Variants in CEP112 observed in about 807,000 individuals in gnomAD.
CEP112 encodes the protein centrosomal protein of 112 kDa.
In CEP112, 127 loss-of-function variants were observed where a neutral mutation model predicts 153.0. That is an observed-to-expected ratio of 0.83 (90% CI 0.72 to 0.96). The LOEUF is 0.96. CEP112 is among the 40% of genes least tolerant of loss of function. The pLI, the probability that CEP112 is intolerant of heterozygous loss-of-function variation, is 0.00. For missense variants in CEP112, 1,089 were observed against 1,101.2 expected (o/e 0.99, Z 0.16); for synonymous variants, 358 against 374.4 (o/e 0.96, Z 0.51).
At chr17:65,735,995 C>A (rs779984999) in intron 23 of CEP112, among the ~76,000 whole-genome samples, 25 of 152,184 alleles carry the variant, frequency 1.6e-4, no homozygotes, top group Middle Eastern at 3.4e-3. Context: ...AAACAACATG[C>A]CCATATTTGC....
At chr17:66,161,671 C>T (rs1341528183) in intron 4 of CEP112, among the ~76,000 whole-genome samples, 1 of 151,592 alleles carries the variant, frequency 6.6e-6, no homozygotes, top group Non-Finnish European at 1.5e-5. Flanking sequence ...CATCACACAC[C>T]GGGTCTGTCA....
At chr17:66,138,161 G>A (rs570737878) in intron 4 of CEP112, among the ~76,000 whole-genome samples, 19 of 152,114 alleles carry the variant, frequency 1.2e-4, no homozygotes, top group Non-Finnish European at 2.4e-4. Flanking sequence ...CCATCTCCTC[G>A]CCCAACTAAA....
intron 21 of CEP112, among the ~76,000 whole-genome samples, chr17:65,790,086 G>A (rs2054507345): frequency 6.6e-6 from 1 of 152,170 alleles, no homozygotes; most frequent in Non-Finnish European, 1.5e-5. Context: ...TAAATCCTGG[G>A]CAAGAGTAGA....
At chr17:65,975,640 A>T (rs955764785) in intron 17 of CEP112, among the ~76,000 whole-genome samples, 6 of 152,232 alleles carry the variant, frequency 3.9e-5, no homozygotes, top group Non-Finnish European at 8.8e-5. Context: ...GAACCACAAA[A>T]AATACACTAC....
At chr17:65,777,895 A>G (rs2053776689) in intron 21 of CEP112, among the ~76,000 whole-genome samples, 3 of 152,138 alleles carry the variant, frequency 2.0e-5, no homozygotes, top group Non-Finnish European at 4.4e-5. Context: ...TGCCCCACCA[A>G]TAGGCTTAAA....
intron 21 of CEP112, among the ~76,000 whole-genome samples, chr17:65,835,457 G>A (rs2057269152): frequency 6.6e-6 from 1 of 152,124 alleles, no homozygotes. Context: ...AGCAGCAAGA[G>A]AAAAGACACA....
intron 8 of CEP112, among the ~76,000 whole-genome samples, chr17:66,081,869 T>G (rs1356459465): frequency 6.6e-6 from 1 of 152,132 alleles, no homozygotes; most frequent in Admixed American, 6.5e-5. Context: ...GAGCCGAGAT[T>G]GCGCCACTGC....
intron 20 of CEP112, among the ~76,000 whole-genome samples, chr17:65,892,685 C>T (rs980057522): frequency 2.6e-5 from 4 of 152,086 alleles, no homozygotes; most frequent in Admixed American, 1.3e-4. Flanking sequence ...ATTTGTCTAA[C>T]GACAGCTTTG....
chr17:65,871,636 A>C, intron 20 of CEP112, among the ~76,000 whole-genome samples: 1 of 152,234 alleles, frequency 6.6e-6, no homozygotes, highest in Non-Finnish European at 1.5e-5. Context: ...CTCCGTCTCA[A>C]TAAATAAATT....
rs143214294 is a variant in CEP112, at chr17:65,696,415, G to T, written c.2608-7197C>A. ...AAGTGGGAACCTTGAATGCTATAGT[G>T]TTCTGTTATTTAAAATAAACTGGAT... is the stretch of plus-strand genomic sequence containing the variant. On this transcript the variant is annotated intron_variant, in intron 23 of 26. Coordinates refer to ENST00000535342, the MANE Select transcript of CEP112 (RefSeq NM_001199165.4). 3.7e-4 allele frequency among the ~76,000 whole-genome samples: 56 copies of T among 152,212 alleles called. No individual in the cohort carries two copies. In the East Asian group the frequency reaches 0.011, roughly 29 times the overall value.
Position 65,916,287 on chromosome 17 carries a change from G to GTGTGTGTGTGTGTGTGTATGTGTA in CEP112, c.1980+11294_1980+11295insTACACATACACACACACACACACA, listed in dbSNP as rs138734881. ...TGTGTGTGTGTGTGTGTGTGTGTGT[G>GTGTGTGTGTGTGTGTGTATGTGTA]TGTGTATGTGTGGTAGGAGTAGTGG... On this transcript the variant is annotated intron_variant, in intron 19 of 26. Transcript: ENST00000535342. Among the ~76,000 whole-genome samples the GTGTGTGTGTGTGTGTGTATGTGTA allele has an allele frequency of 6.1e-5, 9 of 147,600 alleles. No individual in the cohort carries two copies. In the East Asian group the frequency reaches 1.2e-3, roughly 19 times the overall value.
intron 4 of CEP112, among the ~76,000 whole-genome samples, chr17:66,173,125 A>T: frequency 6.6e-6 from 1 of 152,208 alleles, no homozygotes; most frequent in East Asian, 1.9e-4. Flanking sequence ...AGAACATAAA[A>T]ATAGAAAAAC....
chr17:65,868,819 G>A (rs6504366), intron 20 of CEP112, among the ~76,000 whole-genome samples: 130,765 of 152,240 alleles, frequency 0.86, 56,422 homozygotes, highest in East Asian at 0.94. Context: ...TACAATATGC[G>A]TTTTAACATT....
At chr17:65,704,384 T>C (rs1240193274) in intron 23 of CEP112, among the ~76,000 whole-genome samples, 2 of 151,544 alleles carry the variant, frequency 1.3e-5, no homozygotes, top group African/African-American at 4.9e-5. Flanking sequence ...GAAACGTCCC[T>C]TGTTTTCCAC....
chr17:65,876,531 A>G (rs2058832021), intron 20 of CEP112, among the ~76,000 whole-genome samples: 1 of 152,114 alleles, frequency 6.6e-6, no homozygotes, highest in South Asian at 2.1e-4. Flanking sequence ...TGTAGCAATG[A>G]TATGTGGAGA....
chr17:65,674,117 C>T (rs756375625), intron 24 of CEP112, among the ~76,000 whole-genome samples: 2 of 152,138 alleles, frequency 1.3e-5, no homozygotes, highest in African/African-American at 2.4e-5. Context: ...GCAATCCGCT[C>T]GCCTCAGCCT....
intron 24 of CEP112, among the ~76,000 whole-genome samples, chr17:65,668,858 G>A (rs181504356): frequency 4.6e-5 from 7 of 152,266 alleles, no homozygotes; most frequent in African/African-American, 1.7e-4. Flanking sequence ...GGCATGAGAT[G>A]CTTTTCTTTG....
At chr17:65,764,523 T>A (rs556327535) in intron 21 of CEP112, among the ~76,000 whole-genome samples, 2 of 98,338 alleles carry the variant, frequency 2.0e-5, no homozygotes, top group Non-Finnish European at 4.2e-5. Flanking sequence ...ATTAGTGACT[T>A]TTTTTGTCTC....
intron 8 of CEP112, among the ~76,000 whole-genome samples, chr17:66,074,078 C>G (rs937951763): frequency 6.6e-6 from 1 of 151,808 alleles, no homozygotes; most frequent in Non-Finnish European, 1.5e-5. Flanking sequence ...AAAACATATT[C>G]AAAAATTAAA....
Sources: gnomAD v4.1 joint callset for allele counts (sites outside exome capture counted in the v4.1 genomes callset) on GRCh38, gnomAD v4.1.1 for gene constraint, MANE v1.5 for transcripts, NCBI Gene and HGNC (gene_info 2026-07-23, HGNC 2026-07-21) for gene names.